Variants in BCL9 observed in about 807,000 individuals in gnomAD.
BCL9 encodes BCL9 transcription coactivator.
BCL9 carries 25 observed loss-of-function variants against 88.5 expected under a neutral mutation model. The ratio of observed to expected loss-of-function variants is 0.28; its 90% CI spans 0.21 to 0.39. The LOEUF is 0.39. BCL9 is among the 10% of genes least tolerant of loss of function. BCL9 has a pLI of 1.00. For missense variants in BCL9, 1,817 were observed against 1,877.8 expected, an observed-to-expected ratio of 0.97 and a Z score of 0.60; for synonymous variants, 711 against 673.3, an observed-to-expected ratio of 1.06 and a Z score of -0.87.
intron 1 of BCL9, among the ~76,000 whole-genome samples, chr1:147,585,380 G>T (rs1656555740): frequency 1.3e-5 from 2 of 152,156 alleles, no homozygotes; most frequent in Non-Finnish European, 2.9e-5. Flanking sequence ...CCTCAGGGGT[G>T]TGACATGTGA....
At chr1:147,554,174 A>G (rs1655004851) in intron 1 of BCL9, among the ~76,000 whole-genome samples, 1 of 152,264 alleles carries the variant, frequency 6.6e-6, no homozygotes, top group South Asian at 2.1e-4. Context: ...TTCTGTAATT[A>G]CAATAAAACA....
chr1:147,609,632 A>G (rs782546584), intron 3 of BCL9, among the ~76,000 whole-genome samples: 11 of 152,390 alleles, frequency 7.2e-5, no homozygotes, highest in East Asian at 5.8e-4. Context: ...TTATGTTCAC[A>G]GCATTATTAT....
At chr1:147,559,905 T>C (rs955703508) in intron 1 of BCL9, among the ~76,000 whole-genome samples, 1 of 152,188 alleles carries the variant, frequency 6.6e-6, no homozygotes. Context: ...GGCCAGGAAC[T>C]AAGACCCAGA....
At chr1:147,617,883 T>C (rs1278993066) in intron 7 of BCL9, among the ~76,000 whole-genome samples, 1 of 152,204 alleles carries the variant, frequency 6.6e-6, no homozygotes, top group Non-Finnish European at 1.5e-5. Flanking sequence ...TGCCCTCTTA[T>C]ATTTCAGCAG....
At chr1:147,552,422 AC>A (rs1439483717) in intron 1 of BCL9, among the ~76,000 whole-genome samples, 2 of 152,100 alleles carry the variant, frequency 1.3e-5, no homozygotes, top group African/African-American at 4.8e-5. Context: ...ACCCTGACCA[AC>A]ATGGAAACCC....
At position 147,545,778 on chromosome 1, in the gene BCL9, T is replaced by C. The variant is rs370579461; in HGVS notation, c.-478+4104T>C. 9.8e-5 allele frequency among the ~76,000 whole-genome samples: 15 copies of C among 152,358 alleles called. No individual in the cohort carries two copies. The South Asian group carries it at 2.7e-3, about 27-fold the overall frequency. ...CAATGGAAATTTTCTCCATTCCTTTTAAACCTTGACATTTTAATGCACTTT... is the reference window on the plus strand; with the variant it reads ...CAATGGAAATTTTCTCCATTCCTTTCAAACCTTGACATTTTAATGCACTTT... On this transcript the variant is annotated intron_variant, in intron 1 of 9. Coordinates refer to ENST00000234739, the MANE Select transcript of BCL9 (RefSeq NM_004326.4).
intron 1 of BCL9, among the ~76,000 whole-genome samples, chr1:147,576,213 A>C (rs1285402638): frequency 6.6e-6 from 1 of 152,180 alleles, no homozygotes; most frequent in African/African-American, 2.4e-5. Flanking sequence ...TTTTAACATA[A>C]TTATTAAAAA....
In BCL9 at chr1:147,614,543, G is replaced by A; in HGVS notation, c.487G>A (p.Ala163Thr). The change falls in exon 6 of 10, where the codon GCC becomes ACC. Residue 163 changes from alanine (A) to threonine (T), a missense_variant. Physicochemically the swap from Ala to Thr is moderately conservative, Grantham distance 58. Around this residue, in one of 2 missense-constraint regions of BCL9, gnomAD observed 1,228 missense variants for 1,191.6 expected, o/e 1.03. Transcript: ENST00000234739. ...SSTPSHGQTT[A>T]TEPTPAQKTP... ...TACCCCCTCCCATGGCCAAACTACTGCCACAGAGCCCACACCTGCTCAGAA... is the reference window on the plus strand; with the variant it reads ...TACCCCCTCCCATGGCCAAACTACTACCACAGAGCCCACACCTGCTCAGAA... The A allele has an allele frequency of 6.2e-7, 1 of 1,613,672 alleles. No homozygotes were observed. The highest frequency in any genetic ancestry group is 8.5e-7 in the Non-Finnish European group (1 of 1,179,940).
At chr1:147,615,709 C>A in intron 6 of BCL9, 94 bp from the exon 7 acceptor site, 1 of 912,444 alleles carries the variant, frequency 1.1e-6, no homozygotes, top group South Asian at 1.6e-5. Context: ...CTTCCTCTCC[C>A]TTACAAGTTT....
At chr1:147,557,530 G>C (rs140064265) in intron 1 of BCL9, among the ~76,000 whole-genome samples, 37 of 152,134 alleles carry the variant, frequency 2.4e-4, no homozygotes, top group Non-Finnish European at 4.4e-4. Flanking sequence ...AAGGGTAGAG[G>C]CTTGGTGATC....
rs1029798234 is a variant in BCL9, at chr1:147,613,199, G to C, written c.370G>C (p.Glu124Gln). 6.2e-7 allele frequency: 1 copy of C among 1,614,164 alleles called. No homozygotes were observed. The highest frequency in any genetic ancestry group is 8.5e-7 in the Non-Finnish European group (1 of 1,180,000). The part of the protein sequence containing the change: ...GTPNDDSDIK[E>Q]CNSADHIKSQ... ...TCCAAACGATGACTCTGACATTAAA[G>C]GTATGTCTATAAGATCTTTGAGACT... The change falls in exon 5 of 10, where the codon GAA becomes CAA. Residue 124 changes from glutamate (E) to glutamine (Q), a missense_variant and splice_region_variant. Glu to Gln is a conservative substitution (Grantham distance 29). Coordinates refer to ENST00000234739, the MANE Select transcript of BCL9 (RefSeq NM_004326.4).
intron 1 of BCL9, among the ~76,000 whole-genome samples, chr1:147,556,870 G>T (rs868977517): frequency 1.3e-5 from 2 of 152,260 alleles, no homozygotes; most frequent in Middle Eastern, 3.4e-3. Flanking sequence ...ATGCCTTGAA[G>T]GTCTAGATTG....
chr1:147,578,935 G>A (rs1005986718), intron 1 of BCL9, among the ~76,000 whole-genome samples: 6 of 151,336 alleles, frequency 4.0e-5, no homozygotes, highest in Admixed American at 2.0e-4. Context: ...GCACGATCTC[G>A]GCTCACTGCA....
chr1:147,583,392 C>T (rs1656454731), intron 1 of BCL9, among the ~76,000 whole-genome samples: 3 of 152,032 alleles, frequency 2.0e-5, no homozygotes, highest in African/African-American at 7.2e-5. Context: ...ATCCTCCCGC[C>T]TCAGCCTCCC....
At chr1:147,590,634 AGTCTT>A (rs1656809082) in intron 1 of BCL9, among the ~76,000 whole-genome samples, 1 of 152,212 alleles carries the variant, frequency 6.6e-6, no homozygotes, top group Non-Finnish European at 1.5e-5. Flanking sequence ...ACCTTGAACT[AGTCTT>A]GTAACTTACC....
intron 1 of BCL9, among the ~76,000 whole-genome samples, chr1:147,599,219 G>A (rs1456176904): frequency 6.6e-6 from 1 of 152,248 alleles, no homozygotes; most frequent in Non-Finnish European, 1.5e-5. Context: ...GAGGGCGGAG[G>A]AGAGCGCAGT....
At chr1:147,558,902 T>C (rs1375213129) in intron 1 of BCL9, among the ~76,000 whole-genome samples, 1 of 152,118 alleles carries the variant, frequency 6.6e-6, no homozygotes, top group African/African-American at 2.4e-5. Context: ...TGAGAGTGCA[T>C]TTGATTTTTC....
intron 1 of BCL9, among the ~76,000 whole-genome samples, chr1:147,575,994 TCA>T (rs1313076399): frequency 6.6e-6 from 1 of 152,192 alleles, no homozygotes; most frequent in Non-Finnish European, 1.5e-5. Context: ...CATAAAATTC[TCA>T]GTTTTTTTTT....
chr1:147,625,653 T>G lies in BCL9; in HGVS notation c.*694T>G. ...TAGGACATTTGTTTTTCAGTTCAAG[T>G]GCTCTTCAGCACTGTCTTGTCTCCC... On this transcript the variant is annotated 3_prime_UTR_variant, in exon 10 of 10. Coordinates refer to ENST00000234739, the MANE Select transcript of BCL9 (RefSeq NM_004326.4). 1 of 231,718 alleles carries G rather than the reference T, an allele frequency of 4.3e-6. No homozygotes were observed. Among genetic ancestry groups the G allele is most frequent in the Non-Finnish European group, 8.6e-6 (1 of 116,878 alleles). 14.4% of individuals were successfully genotyped at this position (231,718 alleles called of 1,614,324 possible).
Sources: allele counts gnomAD v4.1 joint callset (sites outside exome capture counted in the v4.1 genomes callset), GRCh38; gene constraint gnomAD v4.1.1; regional missense constraint gnomAD v4.1.1; transcripts MANE v1.5; gene names NCBI Gene and HGNC (gene_info 2026-07-23, HGNC 2026-07-21).